Variants in GRXCR1 observed in about 807,000 individuals in gnomAD.
GRXCR1 encodes glutaredoxin and cysteine rich domain containing 1, also known as glutaredoxin domain-containing cysteine-rich protein 1.
A neutral mutation model predicts 27.3 loss-of-function variants in GRXCR1; 27 were observed. The observed-to-expected ratio is 0.99, with a 90% CI of 0.73 to 1.37. The LOEUF is 1.37. Ranked by LOEUF, GRXCR1 falls within the 40% of genes most tolerant of loss-of-function variation. The pLI is 0.00. For synonymous variants in GRXCR1, 122 were observed against 131.1 expected, an observed-to-expected ratio of 0.93 and a Z score of 0.47; for missense variants, 379 against 354.4, an observed-to-expected ratio of 1.07 and a Z score of -0.56.
chr4:42,914,663 T>C (rs1300017145), intron 1 of GRXCR1, among the ~76,000 whole-genome samples: 2 of 152,112 alleles, frequency 1.3e-5, no homozygotes, highest in South Asian at 2.1e-4. Context: ...TGTGAGGACA[T>C]GAGATTTGGG....
intron 2 of GRXCR1, among the ~76,000 whole-genome samples, chr4:42,990,855 A>G (rs1230836280): frequency 2.0e-5 from 3 of 152,180 alleles, no homozygotes; most frequent in Admixed American, 2.0e-4. Flanking sequence ...ATATGCGTAC[A>G]TAAATGCCAC....
chr4:42,956,234 A>T (rs187374268), intron 1 of GRXCR1, among the ~76,000 whole-genome samples: 103 of 152,220 alleles, frequency 6.8e-4, no homozygotes, highest in Admixed American at 2.7e-3. Context: ...GCCTATCTTT[A>T]TTACCATCTA....
chr4:42,899,693 T>A (rs1746422162), intron 1 of GRXCR1, among the ~76,000 whole-genome samples: 2 of 152,080 alleles, frequency 1.3e-5, no homozygotes. Flanking sequence ...TGAATAACAG[T>A]GACTCTGACC....
At chr4:42,932,575 T>C (rs1235578198) in intron 1 of GRXCR1, among the ~76,000 whole-genome samples, 5 of 66,648 alleles carry the variant, frequency 7.5e-5, no homozygotes. Context: ...TAAACTCCCT[T>C]CCATATATAT....
At chr4:42,987,148 G>C (rs1246395017) in intron 2 of GRXCR1, among the ~76,000 whole-genome samples, 1 of 143,184 alleles carries the variant, frequency 7.0e-6, no homozygotes. Context: ...GAAGAGGAGA[G>C]AGAGACATAC....
At chr4:43,010,249 A>G (rs1370232233) in intron 2 of GRXCR1, among the ~76,000 whole-genome samples, 1 of 152,016 alleles carries the variant, frequency 6.6e-6, no homozygotes, top group South Asian at 2.1e-4. Context: ...TAAAAATACA[A>G]AAACTTAGCC....
Position 42,972,879 on chromosome 4 carries a change from C to A in GRXCR1, c.627+9745C>A, listed in dbSNP as rs112457146. Among the ~76,000 whole-genome samples, 544 of 152,238 alleles carry A rather than the reference C, an allele frequency of 3.6e-3. 5 individuals are homozygous for A. Among genetic ancestry groups the A allele is most frequent in the African/African-American group, 0.011 (456 of 41,582 alleles). On this transcript the variant is annotated intron_variant, in intron 2 of 3. Coordinates refer to ENST00000399770, the MANE Select transcript of GRXCR1 (RefSeq NM_001080476.3). ...TACTCTTTAGCAGCATATTTACATG[C>A]TGAATTACTTCACCACTTGAAATGA...
At chr4:42,945,798 G>T (rs972164812) in intron 1 of GRXCR1, among the ~76,000 whole-genome samples, 18 of 152,096 alleles carry the variant, frequency 1.2e-4, no homozygotes, top group Non-Finnish European at 2.2e-4. Flanking sequence ...TTTAGAGGTG[G>T]TTAGCTTATT....
At chr4:42,985,555 C>G (rs978135980) in intron 2 of GRXCR1, among the ~76,000 whole-genome samples, 7 of 151,984 alleles carry the variant, frequency 4.6e-5, no homozygotes, top group African/African-American at 7.2e-5. Flanking sequence ...AATAAACGCT[C>G]TATTTCTGTT....
rs772855819 is a variant in GRXCR1 at position 42,893,649 on chromosome 4, A to G, written c.383A>G (p.Gln128Arg). The G allele has an allele frequency of 6.2e-7, 1 of 1,612,774 alleles. No individual in the cohort carries two copies. Among genetic ancestry groups the G allele is most frequent in the Non-Finnish European group, 8.5e-7 (1 of 1,179,546 alleles). Residue 128 changes from glutamine to arginine, a missense_variant and splice_region_variant, in exon 1 of 4, where the codon CAG (glutamine) becomes CGG (arginine). Coordinates refer to ENST00000399770, the MANE Select transcript of GRXCR1 (RefSeq NM_001080476.3). The part of the protein sequence containing the change: ...ALFNNLTKVL[Q>R]QPSTDLEFDR... ...TTTAACAATTTGACCAAAGTATTAC[A>G]GGTAAGTCATTGCTGTTTCCTTCTC...
intron 1 of GRXCR1, among the ~76,000 whole-genome samples, chr4:42,945,359 T>A (rs1212087644): frequency 1.3e-5 from 2 of 152,150 alleles, no homozygotes; most frequent in Admixed American, 6.5e-5. Context: ...TATGGACTCA[T>A]GTAAATAAAT....
intron 2 of GRXCR1, among the ~76,000 whole-genome samples, chr4:43,007,234 T>C (rs937306738): frequency 7.2e-5 from 11 of 152,216 alleles, no homozygotes; most frequent in African/African-American, 2.7e-4. Context: ...TTGGAGATTT[T>C]GTATATTCAA....
chr4:42,959,889 T>A (rs1748093394), intron 1 of GRXCR1, among the ~76,000 whole-genome samples: 1 of 151,954 alleles, frequency 6.6e-6, no homozygotes, highest in Non-Finnish European at 1.5e-5. Flanking sequence ...GGTCTAGGAT[T>A]TGGAGATTTT....
intron 2 of GRXCR1, among the ~76,000 whole-genome samples, chr4:42,970,031 G>T (rs1013490623): frequency 2.6e-5 from 4 of 152,146 alleles, no homozygotes; most frequent in Non-Finnish European, 5.9e-5. Flanking sequence ...CCACATGCAA[G>T]TCCAAAACCC....
chr4:43,001,452 C>T (rs1225208519), intron 2 of GRXCR1, among the ~76,000 whole-genome samples: 2 of 152,200 alleles, frequency 1.3e-5, no homozygotes, highest in East Asian at 1.9e-4. Context: ...ATGCTGAATT[C>T]AGGAATCAGT....
chr4:42,903,624 T>C (rs1746518552), intron 1 of GRXCR1, among the ~76,000 whole-genome samples: 2 of 148,088 alleles, frequency 1.4e-5, no homozygotes, highest in African/African-American at 4.9e-5. Flanking sequence ...CTTCCTCTAA[T>C]TATGGAATTT....
intron 2 of GRXCR1, among the ~76,000 whole-genome samples, chr4:42,994,606 C>A (rs1027190572): frequency 2.0e-5 from 3 of 152,104 alleles, no homozygotes; most frequent in Admixed American, 6.6e-5. Flanking sequence ...ACAAACCTTA[C>A]TAATCATGCT....
chr4:42,943,971 A>G (rs1413097278), intron 1 of GRXCR1, among the ~76,000 whole-genome samples: 1 of 152,066 alleles, frequency 6.6e-6, no homozygotes, highest in Non-Finnish European at 1.5e-5. Context: ...AGGTTGAGAA[A>G]CTGTATTCTA....
At chr4:42,906,046 C>A (rs1367654771) in intron 1 of GRXCR1, among the ~76,000 whole-genome samples, 2 of 152,098 alleles carry the variant, frequency 1.3e-5, no homozygotes, top group African/African-American at 4.8e-5. Context: ...TACATTTTTT[C>A]TGCCTGTCCT....
Sources: allele counts gnomAD v4.1 joint callset (sites outside exome capture counted in the v4.1 genomes callset), GRCh38; gene constraint gnomAD v4.1.1; transcripts MANE v1.5; gene names NCBI Gene and HGNC (gene_info 2026-07-23, HGNC 2026-07-21).